ZNF804A: variants seen among roughly 807,000 people sequenced by gnomAD.
The protein encoded by ZNF804A is zinc finger protein 804A.
ZNF804A carries 2 observed loss-of-function variants against 16.5 expected under a neutral mutation model. That is an observed-to-expected ratio of 0.12 (90% CI 0.05 to 0.38). ZNF804A has a LOEUF of 0.38. Ranked by LOEUF, ZNF804A falls within the 10% of genes least tolerant of loss-of-function variation. The probability of loss-of-function intolerance (pLI) is 0.99; values close to 1 mark genes in which losing one functional copy is unlikely to be tolerated. For synonymous variants in ZNF804A, 534 were observed against 489.6 expected (o/e 1.09, Z -1.20); for missense variants, 1,473 against 1,390.7 (o/e 1.06, Z -0.94).
At chr2:184,909,413 T>A (rs2105830996) in intron 2 of ZNF804A, among the ~76,000 whole-genome samples, 1 of 152,140 alleles carries the variant, frequency 6.6e-6, no homozygotes, top group Admixed American at 6.6e-5. Flanking sequence ...ATTGACAAAC[T>A]AACACAAACA....
At chr2:184,693,906 AT>A (rs971275314) in intron 1 of ZNF804A, among the ~76,000 whole-genome samples, 8 of 151,066 alleles carry the variant, frequency 5.3e-5, no homozygotes, top group African/African-American at 1.9e-4. Context: ...AAAAAAAAAA[AT>A]CGATGATGCA....
At chr2:184,662,772 A>G (rs1692194523) in intron 1 of ZNF804A, among the ~76,000 whole-genome samples, 1 of 152,252 alleles carries the variant, frequency 6.6e-6, no homozygotes, top group Non-Finnish European at 1.5e-5. Flanking sequence ...GAAAAATTAA[A>G]TAAGAGCTTT....
chr2:184,822,184 T>G (rs1695096772), intron 1 of ZNF804A, among the ~76,000 whole-genome samples: 2 of 152,118 alleles, frequency 1.3e-5, no homozygotes, highest in African/African-American at 2.4e-5. Context: ...AATTGTAGAC[T>G]GGATAAGGAA....
At chr2:184,635,942 C>A (rs1443166384) in intron 1 of ZNF804A, among the ~76,000 whole-genome samples, 1 of 152,038 alleles carries the variant, frequency 6.6e-6, no homozygotes, top group Non-Finnish European at 1.5e-5. Context: ...CAGTTTGATT[C>A]TTAAATTCCA....
intron 1 of ZNF804A, among the ~76,000 whole-genome samples, chr2:184,692,195 T>G (rs1692741711): frequency 1.3e-5 from 2 of 152,186 alleles, no homozygotes; most frequent in Admixed American, 6.5e-5. Flanking sequence ...ATGTGTGTGT[T>G]TGTTTAAATG....
At chr2:184,639,199 A>G (rs1333568299) in intron 1 of ZNF804A, among the ~76,000 whole-genome samples, 2 of 148,760 alleles carry the variant, frequency 1.3e-5, no homozygotes, top group Non-Finnish European at 3.0e-5. Context: ...TCAGCCTCCC[A>G]AGTACCTGGG....
At chr2:184,847,104 C>T (rs1695531667) in intron 1 of ZNF804A, among the ~76,000 whole-genome samples, 1 of 152,094 alleles carries the variant, frequency 6.6e-6, no homozygotes, top group Admixed American at 6.6e-5. Flanking sequence ...TTTTCTTGTT[C>T]CAGTTCTCAG....
chr2:184,753,411 A>G (rs528833940), intron 1 of ZNF804A, among the ~76,000 whole-genome samples: 13 of 151,568 alleles, frequency 8.6e-5, no homozygotes, highest in African/African-American at 2.9e-4. Flanking sequence ...ATACCATGCT[A>G]CTCTTAGGTC....
intron 2 of ZNF804A, among the ~76,000 whole-genome samples, chr2:184,878,185 T>G (rs1684740624): frequency 1.3e-5 from 2 of 152,072 alleles, no homozygotes; most frequent in Non-Finnish European, 2.9e-5. Context: ...TTACTCTCTT[T>G]AGAGGACTAG....
intron 1 of ZNF804A, among the ~76,000 whole-genome samples, chr2:184,798,355 TTC>T (rs775532448): frequency 2.0e-5 from 3 of 151,966 alleles, no homozygotes; most frequent in Non-Finnish European, 2.9e-5. Context: ...TAGATTTTTC[TTC>T]TTTTTCAGGA....
rs779223489 is a variant in ZNF804A at position 184,938,714 on chromosome 2, C to CGCTGCAGCT, written c.3330_3338dup (p.Ala1117_Ala1119dup). ...TCCATCACACTGTTTTGCAGCAGCA[C>CGCTGCAGCT]GCTGCAGCTGCTGCAGCTGCAGCTG... On this transcript the variant is annotated inframe_insertion, in exon 4 of 4. Coordinates refer to ENST00000302277, the MANE Select transcript of ZNF804A (RefSeq NM_194250.2). The CGCTGCAGCT allele has an allele frequency of 5.6e-6, 9 of 1,612,404 alleles. No individual in the cohort carries two copies. Among genetic ancestry groups the CGCTGCAGCT allele is most frequent in the South Asian group, 3.3e-5 (3 of 91,052 alleles).
intron 2 of ZNF804A, among the ~76,000 whole-genome samples, chr2:184,886,026 A>C (rs879364028): frequency 6.6e-6 from 1 of 152,192 alleles, no homozygotes; most frequent in Non-Finnish European, 1.5e-5. Context: ...AGAAGTCCAC[A>C]GTCCAAAGTC....
At chr2:184,733,800 C>T (rs1559137581) in intron 1 of ZNF804A, among the ~76,000 whole-genome samples, 1 of 152,054 alleles carries the variant, frequency 6.6e-6, no homozygotes, top group East Asian at 1.9e-4. Flanking sequence ...AACTTGTGGA[C>T]ATAAATTTAT....
rs1261307349 is a variant in ZNF804A, at chr2:184,938,480, T to C, written c.3084T>C (p.Ala1028=). ...VTAEQILAPL[A]LPEQALLIPL... ...CTGAGCAAATCCTGGCTCCATTAGCTTTACCAGAGCAAGCATTATTGATCC... is the reference window on the plus strand; with the variant it reads ...CTGAGCAAATCCTGGCTCCATTAGCCTTACCAGAGCAAGCATTATTGATCC... Residue 1028 remains alanine (A), a synonymous_variant, in exon 4 of 4, where the codon GCT becomes GCC. Transcript: ENST00000302277. The C allele has an allele frequency of 6.2e-7, 1 of 1,613,902 alleles. No homozygotes were observed. Among genetic ancestry groups the C allele is most frequent in the African/African-American group, 1.3e-5 (1 of 74,890 alleles).
intron 1 of ZNF804A, among the ~76,000 whole-genome samples, chr2:184,678,597 A>G (rs777961823): frequency 1.3e-5 from 2 of 152,184 alleles, no homozygotes; most frequent in African/African-American, 2.4e-5. Flanking sequence ...TAGTCAACAG[A>G]GATACAGGAT....
At chr2:184,673,640 G>A (rs1692373476) in intron 1 of ZNF804A, among the ~76,000 whole-genome samples, 2 of 152,284 alleles carry the variant, frequency 1.3e-5, no homozygotes, top group African/African-American at 4.8e-5. Context: ...ATTGCCTCAT[G>A]AGCTGACAAT....
chr2:184,855,686 GT>G (rs1695676265), intron 1 of ZNF804A, among the ~76,000 whole-genome samples: 1 of 151,912 alleles, frequency 6.6e-6, no homozygotes, highest in Non-Finnish European at 1.5e-5. Flanking sequence ...GAATGAATAT[GT>G]GGGTGGGTGT....
chr2:184,860,038 C>T (rs1695772167), intron 1 of ZNF804A, among the ~76,000 whole-genome samples: 1 of 152,168 alleles, frequency 6.6e-6, no homozygotes, highest in Non-Finnish European at 1.5e-5. Flanking sequence ...GTCCTGAGTC[C>T]ATGAGGACTG....
intron 3 of ZNF804A, among the ~76,000 whole-genome samples, chr2:184,935,535 C>G (rs186983289): frequency 4.6e-5 from 7 of 152,202 alleles, no homozygotes; most frequent in African/African-American, 1.7e-4. Context: ...AGCATATCCT[C>G]AACATTGCTC....
Sources: allele counts gnomAD v4.1 joint callset (sites outside exome capture counted in the v4.1 genomes callset), GRCh38; gene constraint gnomAD v4.1.1; transcripts MANE v1.5; gene names NCBI Gene and HGNC (gene_info 2026-07-23, HGNC 2026-07-21).